SCML2: variants seen among roughly 807,000 people sequenced by gnomAD.
SCML2 encodes the protein sex comb on midleg-like protein 2.
Under a neutral mutation model 48.4 loss-of-function variants are expected in SCML2, and 6 were observed. The ratio of observed to expected loss-of-function variants is 0.12; its 90% CI spans 0.07 to 0.24. SCML2 has a LOEUF of 0.24. Ranked by LOEUF, SCML2 falls within the 10% of genes least tolerant of loss-of-function variation. The pLI, the probability that SCML2 is intolerant of heterozygous loss-of-function variation, is 1.00. For missense variants in SCML2, 377 were observed against 528.2 expected (o/e 0.71, Z 2.81); for synonymous variants, 181 against 189.5 (o/e 0.95, Z 0.37).
intron 3 of SCML2, among the ~76,000 whole-genome samples, chrX:18,327,385 A>C (rs779125382): frequency 1.6e-3 from 177 of 111,424 alleles, no homozygotes; most frequent in Non-Finnish European, 3.0e-3. Flanking sequence ...ACAACAACAA[A>C]AAAAGAACAA....
At chrX:18,344,076 G>A (rs1225507922) in intron 1 of SCML2, among the ~76,000 whole-genome samples, 1 of 110,060 alleles carries the variant, frequency 9.1e-6, no homozygotes, top group Non-Finnish European at 1.9e-5. Flanking sequence ...GCTCATGCCC[G>A]TAATGCCGGC....
chrX:18,244,626 T>C (rs1030939737), intron 13 of SCML2, among the ~76,000 whole-genome samples: 11 of 111,820 alleles, frequency 9.8e-5, no homozygotes, highest in Admixed American at 9.6e-5. Context: ...AAACTAATCA[T>C]GTGAAAAATA....
chrX:18,342,999 G>A (rs1490741409), intron 1 of SCML2, among the ~76,000 whole-genome samples: 2 of 111,613 alleles, frequency 1.8e-5, no homozygotes, highest in Non-Finnish European at 3.8e-5. Flanking sequence ...ACAATCTGTT[G>A]AGAAAAACAG....
At position 18,306,078 on chromosome X, in the gene SCML2, G is replaced by T. The variant is rs775847467; in HGVS notation, c.487-863C>A. Among the ~76,000 whole-genome samples, 10 of 111,019 alleles carry T rather than the reference G, an allele frequency of 9.0e-5. No individual in the cohort carries two copies. In the South Asian group the frequency reaches 1.1e-3, roughly 13 times the overall value. ...GTTCAAATTAAAAGAGAAAAGAAAA[G>T]AATTTAAAAAAAAGTAGTCCTGGAC... is the stretch of plus-strand genomic sequence containing the variant. On this transcript the variant is annotated intron_variant, in intron 6 of 14. Coordinates refer to ENST00000251900, the MANE Select transcript of SCML2 (RefSeq NM_006089.3).
intron 8 of SCML2, among the ~76,000 whole-genome samples, chrX:18,263,903 A>T (rs1167761919): frequency 9.3e-6 from 1 of 107,858 alleles, no homozygotes; most frequent in Non-Finnish European, 1.9e-5. Flanking sequence ...GTCAGCTGTT[A>T]ATCAAATTTT....
chrX:18,305,277 C>A (rs188172002), intron 6 of SCML2, 62 bp from the exon 7 acceptor site: 17 of 1,080,388 alleles, frequency 1.6e-5, no homozygotes, highest in Non-Finnish European at 1.6e-5. Context: ...CTCATGTGCT[C>A]GAAGTGAAAA....
chrX:18,301,807 C>A (rs1250625946), intron 7 of SCML2, among the ~76,000 whole-genome samples: 1 of 110,813 alleles, frequency 9.0e-6, no homozygotes, highest in Non-Finnish European at 1.9e-5. Flanking sequence ...GCCACCCAAC[C>A]CTAAAAGAAT....
intron 7 of SCML2, among the ~76,000 whole-genome samples, chrX:18,283,516 T>C (rs1373769496): frequency 8.9e-6 from 1 of 112,453 alleles, no homozygotes; most frequent in African/African-American, 3.2e-5. Context: ...TCAGTGATGA[T>C]ATGTTCTATA....
rs1569133607 is a variant in SCML2 at position 18,239,769 on chromosome X, G to C, written c.*1482C>G. 2.7e-5 allele frequency: 3 copies of C among 111,839 alleles called. No individual in the cohort carries two copies. Among genetic ancestry groups the C allele is most frequent in the Admixed American group, 9.5e-5 (1 of 10,489 alleles). 9.2% of individuals were successfully genotyped at this position (111,839 alleles called of 1,213,427 possible). On this transcript the variant is annotated 3_prime_UTR_variant, in exon 15 of 15. Transcript: ENST00000251900. The stretch of plus-strand genomic sequence containing the variant: ...TGCCTGTAATCCCAGCATTTTGCAA[G>C]GCCGAGGTGGGCGGATCACCTGAGG...
intron 1 of SCML2, among the ~76,000 whole-genome samples, chrX:18,336,417 G>A (rs1212156106): frequency 6.8e-5 from 6 of 87,830 alleles, no homozygotes; most frequent in East Asian, 3.9e-4. Flanking sequence ...CCAGCCTGGC[G>A]AAAGAGCGAG....
intron 1 of SCML2, among the ~76,000 whole-genome samples, chrX:18,345,660 G>A (rs1276677487): frequency 9.1e-6 from 1 of 110,353 alleles, no homozygotes; most frequent in African/African-American, 3.3e-5. Flanking sequence ...TCAAAGTGCT[G>A]GAATTAGAGG....
intron 1 of SCML2, among the ~76,000 whole-genome samples, chrX:18,349,802 A>C (rs747410258): frequency 4.5e-4 from 50 of 112,200 alleles, no homozygotes; most frequent in Middle Eastern, 4.6e-3. Flanking sequence ...GTCTCAAAAA[A>C]AAACAAACAA....
chrX:18,253,521 A>T (rs1926737899), intron 11 of SCML2, among the ~76,000 whole-genome samples: 1 of 111,690 alleles, frequency 9.0e-6, no homozygotes, highest in African/African-American at 3.3e-5. Flanking sequence ...AAGAATAAAA[A>T]ATTTCACCTA....
chrX:18,329,056 G>C (rs1442612953), intron 3 of SCML2, among the ~76,000 whole-genome samples: 2 of 111,748 alleles, frequency 1.8e-5, no homozygotes, highest in Non-Finnish European at 1.9e-5. Flanking sequence ...TTTCTTTTTA[G>C]GGGGATAAAA....
At chrX:18,290,829 T>C (rs1189372846) in intron 7 of SCML2, among the ~76,000 whole-genome samples, 1 of 111,303 alleles carries the variant, frequency 9.0e-6, no homozygotes, top group African/African-American at 3.3e-5. Flanking sequence ...AACAAGGTAG[T>C]CCTAGTTCTG....
intron 1 of SCML2, among the ~76,000 whole-genome samples, chrX:18,351,585 G>T (rs1235056690): frequency 1.9e-5 from 2 of 106,483 alleles, no homozygotes; most frequent in African/African-American, 6.9e-5. Flanking sequence ...TCCCCACCCC[G>T]AGAGGGTAGC....
chrX:18,350,143 G>A (rs1930326821), intron 1 of SCML2, among the ~76,000 whole-genome samples: 1 of 110,125 alleles, frequency 9.1e-6, no homozygotes, highest in Admixed American at 9.7e-5. Flanking sequence ...TAGTGGGCAT[G>A]GTGATGCACG....
intron 13 of SCML2, 76 bp downstream of exon 13, chrX:18,246,501 C>A: frequency 9.2e-7 from 1 of 1,083,307 alleles, no homozygotes; most frequent in South Asian, 2.2e-5. Context: ...ATGTGATACT[C>A]TCAGGGGATG....
At chrX:18,314,112 G>C (rs148254165) in intron 6 of SCML2, among the ~76,000 whole-genome samples, 2,026 of 112,086 alleles carry the variant, frequency 0.018, 49 homozygotes, top group African/African-American at 0.063. Flanking sequence ...TAATGTAACT[G>C]ATGATTTTCT....
Sources: gnomAD v4.1 joint callset for allele counts (sites outside exome capture counted in the v4.1 genomes callset) on GRCh38, gnomAD v4.1.1 for gene constraint, MANE v1.5 for transcripts, NCBI Gene and HGNC (gene_info 2026-07-23, HGNC 2026-07-21) for gene names.